Variants in ABR observed in about 807,000 individuals in gnomAD.
ABR encodes the protein active breakpoint cluster region-related protein.
A neutral mutation model predicts 107.2 loss-of-function variants in ABR; 35 were observed. The observed-to-expected ratio is 0.33, with a 90% CI of 0.25 to 0.43. ABR has a LOEUF of 0.43. ABR is among the 20% of genes least tolerant of loss of function. The pLI, the probability that ABR is intolerant of heterozygous loss-of-function variation, is 1.00. For missense variants in ABR, 815 were observed against 1,115.2 expected (o/e 0.73, Z 3.83); for synonymous variants, 498 against 462.0 (o/e 1.08, Z -1.00).
At chr17:1,147,429 T>C (rs2256098) in intron 1 of ABR, among the ~76,000 whole-genome samples, 148,512 of 151,456 alleles carry the variant, frequency 0.98, 72,868 homozygotes, top group Middle Eastern at 1. Flanking sequence ...GGCACAATCT[T>C]GGCTCACTGC....
chr17:1,086,934 T>C lies in ABR; in HGVS notation c.532-3307A>G, dbSNP rs554719066. Among the ~76,000 whole-genome samples, 8 of 138,500 alleles carry C rather than the reference T, an allele frequency of 5.8e-5. No homozygotes were observed. The East Asian group carries it at 1.2e-3, about 21-fold the overall frequency. The allele number at this position is 138,500 out of a possible 152,430, so 90.9% of individuals were successfully genotyped here. On this transcript the variant is annotated intron_variant, in intron 4 of 22. Coordinates refer to ENST00000302538, the MANE Select transcript of ABR (RefSeq NM_021962.5). ...CCAGCCTGGACAACATAGCAAGACC[T>C]TTTTTTTTTTTTAAAGTACAGGCCA...
At chr17:1,165,921 T>C (rs1308211827) in intron 1 of ABR, among the ~76,000 whole-genome samples, 1 of 152,108 alleles carries the variant, frequency 6.6e-6, no homozygotes, top group Non-Finnish European at 1.5e-5. Context: ...CCTGGCAGCT[T>C]GGCCCGGCTC....
intron 18 of ABR, chr17:1,012,338 T>G (rs1311528877): frequency 3.1e-6 from 2 of 639,954 alleles, no homozygotes; most frequent in Admixed American, 4.2e-5. Flanking sequence ...GCCAGGGTGG[T>G]GGTGAACCGG....
intron 1 of ABR, among the ~76,000 whole-genome samples, chr17:1,209,646 A>T (rs527683222): frequency 6.6e-6 from 1 of 152,008 alleles, no homozygotes; most frequent in African/African-American, 2.4e-5. Context: ...ATAAAATCAG[A>T]CATACAATGC....
In ABR at chr17:1,051,246, C is replaced by T. The variant is rs1442880001; in HGVS notation, c.1562-612G>A. ...ATAAACCAAAGGGATCTTCTCTACT[C>T]GTGCGTCCCTAGTCTCTCTCCCCCC... On this transcript the variant is annotated intron_variant, in intron 14 of 22. Transcript: ENST00000302538. The surrounding 1 kb of genome is among the most constrained non-coding windows in gnomAD (Gnocchi z 4.3). Among the ~76,000 whole-genome samples the T allele has an allele frequency of 2.6e-5, 4 of 152,298 alleles. No individual in the cohort carries two copies. The highest frequency in any genetic ancestry group is 7.2e-5 in the African/African-American group (3 of 41,570).
rs563441033 is a variant in ABR at position 1,092,497 on chromosome 17, G to T, written c.346-647C>A. On this transcript the variant is annotated intron_variant, in intron 3 of 22. Coordinates refer to ENST00000302538, the MANE Select transcript of ABR (RefSeq NM_021962.5). The surrounding 1 kb of genome is among the most constrained non-coding windows in gnomAD (Gnocchi z 4.6). ...TCAGACTCTTTCTCAATGCCTGCCT[G>T]TCTATACCAAGATGCTCCAGGGCCT... Among the ~76,000 whole-genome samples the T allele has an allele frequency of 6.6e-6, 1 of 152,144 alleles. No homozygotes were observed. Among genetic ancestry groups the T allele is most frequent in the Non-Finnish European group, 1.5e-5 (1 of 68,028 alleles).
In ABR at chr17:1,071,723, C is replaced by A. The variant is rs554577893; in HGVS notation, c.894+891G>T. On this transcript the variant is annotated intron_variant, in intron 8 of 22. Transcript: ENST00000302538. This position sits in a 1 kb window ranked among gnomAD's most constrained non-coding sequence, Gnocchi z 5.1. Reference sequence around the variant, plus strand: ...CCCTTCGCTTCCTAGGAGACCCTGACGGCATCACACTGGCCAGAGGCAGGT... The same window carrying A: ...CCCTTCGCTTCCTAGGAGACCCTGAAGGCATCACACTGGCCAGAGGCAGGT... Among the ~76,000 whole-genome samples the A allele has an allele frequency of 6.6e-6, 1 of 152,254 alleles. No individual in the cohort carries two copies. Among genetic ancestry groups the A allele is most frequent in the Non-Finnish European group, 1.5e-5 (1 of 68,040 alleles).
At position 1,058,063 on chromosome 17, in the gene ABR, G is replaced by A. The variant is rs758887685; in HGVS notation, c.1306-18C>T. ...AGGTAACTCTGAAGAGAGGAGATAA[G>A]CATAAAGTGGGTGACCACAGTCAGG... On this transcript the variant is annotated intron_variant, in intron 11 of 22. Coordinates refer to ENST00000302538, the MANE Select transcript of ABR (RefSeq NM_021962.5). 36 of 1,584,868 alleles carry A rather than the reference G, an allele frequency of 2.3e-5. No homozygotes were observed. Among genetic ancestry groups the A allele is most frequent in the Non-Finnish European group, 2.9e-5 (34 of 1,160,874 alleles).
chr17:1,220,622 G>A (rs1598149661), intron 1 of ABR, among the ~76,000 whole-genome samples: 1 of 152,132 alleles, frequency 6.6e-6, no homozygotes, highest in Non-Finnish European at 1.5e-5. Flanking sequence ...ACACCTGGAC[G>A]ACGAGTCCCT....
rs147081404 is a variant in ABR at position 1,170,715 on chromosome 17, C to T, written c.61+8952G>A. ...CCTCCCAAAGTGCTGGGATTACAGGCGTGAGCCACCGTGCCTGGCCTGTCT... is the reference window on the plus strand; with the variant it reads ...CCTCCCAAAGTGCTGGGATTACAGGTGTGAGCCACCGTGCCTGGCCTGTCT... On this transcript the variant is annotated intron_variant, in intron 1 of 22. Coordinates refer to ENST00000302538, the MANE Select transcript of ABR (RefSeq NM_021962.5). Among the ~76,000 whole-genome samples, 630 of 152,232 alleles carry T rather than the reference C, an allele frequency of 4.1e-3. 3 individuals are homozygous for T. Among genetic ancestry groups the T allele is most frequent in the African/African-American group, 0.014 (575 of 41,516 alleles).
intron 16 of ABR, among the ~76,000 whole-genome samples, chr17:1,023,541 AGGCCAG>A (rs55791990): frequency 0.3 from 45,477 of 151,874 alleles, 7,853 homozygotes; most frequent in African/African-American, 0.46. Context: ...GAAAAGGAAC[AGGCCAG>A]GGCCAAAGCA....
exon 1 of ABR, chr17:1,186,812 A>G (rs1332949535): frequency 6.6e-6 from 1 of 152,294 alleles, no homozygotes; most frequent in Non-Finnish European, 1.5e-5. Context: ...CCAAGTCCCC[A>G]TCAGCATTCA....
At chr17:1,063,491 G>C (rs2034302259) in intron 10 of ABR, among the ~76,000 whole-genome samples, 2 of 148,430 alleles carry the variant, frequency 1.3e-5, no homozygotes, top group African/African-American at 4.9e-5. Flanking sequence ...TGTGAACTGA[G>C]GGCTATGCAT....
intron 1 of ABR, among the ~76,000 whole-genome samples, chr17:1,222,480 C>G: frequency 6.6e-6 from 1 of 152,138 alleles, no homozygotes; most frequent in Non-Finnish European, 1.5e-5. Flanking sequence ...ATCCACTGAA[C>G]ACAAGGAATT....
intron 1 of ABR, among the ~76,000 whole-genome samples, chr17:1,158,232 C>A: frequency 6.6e-6 from 1 of 151,810 alleles, no homozygotes; most frequent in Non-Finnish European, 1.5e-5. Flanking sequence ...AATTCTTCTT[C>A]TTTTTATTCT....
rs535839877 is a variant in ABR at position 1,089,757 on chromosome 17, C to T, written c.531+1908G>A. Among the ~76,000 whole-genome samples the T allele has an allele frequency of 2.4e-3, 361 of 152,238 alleles. 4 individuals carry two copies. Among genetic ancestry groups the T allele is most frequent in the African/African-American group, 7.8e-3 (325 of 41,556 alleles). ...GGCGGATCACCTGAGGTCAGGAGTT[C>T]GAGACCAGCCTGGCCGACATGGCGA... On this transcript the variant is annotated intron_variant, in intron 4 of 22. Transcript: ENST00000302538.
intron 2 of ABR, among the ~76,000 whole-genome samples, chr17:1,101,772 C>T (rs369740698): frequency 1.1e-4 from 17 of 150,166 alleles, no homozygotes; most frequent in East Asian, 2.0e-4. Flanking sequence ...CTCGCTCTGT[C>T]GCCCAGGCTA....
At chr17:1,137,288 C>T (rs1377371347) in intron 1 of ABR, among the ~76,000 whole-genome samples, 2 of 152,150 alleles carry the variant, frequency 1.3e-5, no homozygotes, top group African/African-American at 4.8e-5. Flanking sequence ...GTGATCTGCC[C>T]GCCTCGGCCT....
intron 16 of ABR, among the ~76,000 whole-genome samples, chr17:1,042,639 C>T (rs926723959): frequency 4.6e-5 from 7 of 150,846 alleles, no homozygotes; most frequent in Non-Finnish European, 1.0e-4. Flanking sequence ...CACGGACAGA[C>T]AGAAGGACAA....
Sources: allele counts gnomAD v4.1 joint callset (sites outside exome capture counted in the v4.1 genomes callset), GRCh38; gene constraint gnomAD v4.1.1; non-coding constraint Gnocchi (gnomAD v3.1); transcripts MANE v1.5; gene names NCBI Gene and HGNC (gene_info 2026-07-23, HGNC 2026-07-21).